Variants in PTPRD observed in about 807,000 individuals in gnomAD.
PTPRD encodes protein tyrosine phosphatase receptor type D.
A neutral mutation model predicts 214.5 loss-of-function variants in PTPRD; 34 were observed. That is an observed-to-expected ratio of 0.16 (90% CI 0.12 to 0.21). PTPRD has a LOEUF of 0.21. Among genes scored for constraint, PTPRD ranks in the 10% least tolerant of loss-of-function variants. The pLI is 1.00. For synonymous variants in PTPRD, 1,128 were observed against 845.7 expected, an observed-to-expected ratio of 1.33 and a Z score of -5.79; for missense variants, 2,545 against 2,398.7, an observed-to-expected ratio of 1.06 and a Z score of -1.27.
chr9:9,766,975 C>T (rs2098711661), intron 5 of PTPRD, 124 bp from the exon 6 acceptor site: 1 of 151,400 alleles, frequency 6.6e-6, no homozygotes, highest in Admixed American at 6.6e-5. Flanking sequence ...TATTGTGTAT[C>T]TTCCCATTAA....
At chr9:8,557,429 T>C (rs1409173387) in intron 14 of PTPRD, among the ~76,000 whole-genome samples, 1 of 117,320 alleles carries the variant, frequency 8.5e-6, no homozygotes, top group Non-Finnish European at 1.6e-5. Context: ...TTTTCATTTG[T>C]AAATACATAT....
chr9:8,946,774 A>G (rs2099067281), intron 11 of PTPRD, among the ~76,000 whole-genome samples: 1 of 152,102 alleles, frequency 6.6e-6, no homozygotes, highest in Non-Finnish European at 1.5e-5. Context: ...GGGTCTTCTC[A>G]TCCCTGTCTC....
At chr9:10,253,109 T>G (rs1432316726) in intron 3 of PTPRD, among the ~76,000 whole-genome samples, 1 of 152,176 alleles carries the variant, frequency 6.6e-6, no homozygotes, top group Non-Finnish European at 1.5e-5. Context: ...TTTTTCTAAA[T>G]GAATAGACCT....
intron 3 of PTPRD, among the ~76,000 whole-genome samples, chr9:10,100,450 A>G (rs559185061): frequency 3.3e-5 from 5 of 151,772 alleles, no homozygotes; most frequent in African/African-American, 1.2e-4. Flanking sequence ...AGAGAAGGCA[A>G]TTGCAAGAAT....
chr9:9,293,500 C>A (rs1176414290), intron 9 of PTPRD, among the ~76,000 whole-genome samples: 2 of 151,350 alleles, frequency 1.3e-5, no homozygotes, highest in East Asian at 3.9e-4. Context: ...CCCATTTCTA[C>A]AAGGAGATTA....
intron 10 of PTPRD, among the ~76,000 whole-genome samples, chr9:9,168,968 T>C (rs1427402259): frequency 3.3e-5 from 5 of 151,896 alleles, no homozygotes; most frequent in Admixed American, 1.3e-4. Flanking sequence ...AATTTGGATA[T>C]ATACTTTTTA....
At chr9:10,419,148 C>T (rs932341213) in intron 2 of PTPRD, among the ~76,000 whole-genome samples, 1 of 151,900 alleles carries the variant, frequency 6.6e-6, no homozygotes, top group Non-Finnish European at 1.5e-5. Context: ...AATAAAAAAA[C>T]CACTTGTGTA....
chr9:8,641,304 G>C (rs10114687), intron 12 of PTPRD, among the ~76,000 whole-genome samples: 56,086 of 147,168 alleles, frequency 0.38, 13,407 homozygotes, highest in African/African-American at 0.57. Flanking sequence ...TATAGTTAGT[G>C]TACAAAAAAA....
intron 7 of PTPRD, among the ~76,000 whole-genome samples, chr9:9,699,570 C>T (rs58646078): frequency 6.6e-6 from 1 of 152,166 alleles, no homozygotes; most frequent in African/African-American, 2.4e-5. Flanking sequence ...AGTTTTTACC[C>T]CCCCAATACA....
At chr9:9,500,005 G>GA (rs1368619869) in intron 8 of PTPRD, among the ~76,000 whole-genome samples, 24 of 152,188 alleles carry the variant, frequency 1.6e-4, no homozygotes, top group African/African-American at 5.8e-4. Context: ...GCTGCCCCTT[G>GA]AATATTAATT....
chr9:8,890,029 C>A (rs995232732), intron 11 of PTPRD, among the ~76,000 whole-genome samples: 3 of 152,160 alleles, frequency 2.0e-5, no homozygotes, highest in African/African-American at 4.8e-5. Flanking sequence ...ATTTAAGGAA[C>A]CTCCACACTG....
In PTPRD at chr9:10,322,017, T is replaced by A. The variant is rs2096561799; in HGVS notation, c.-545+18946A>T. Among the ~76,000 whole-genome samples, 3 of 152,058 alleles carry A rather than the reference T, an allele frequency of 2.0e-5. No individual in the cohort carries two copies. In the South Asian group the frequency reaches 6.2e-4, roughly 31 times the overall value. On this transcript the variant is annotated intron_variant, in intron 3 of 45. Coordinates refer to ENST00000381196, the MANE Select transcript of PTPRD (RefSeq NM_002839.4). Reference sequence around the variant, plus strand: ...AAATGGTAGTATGGTGAAGAGTATGTCCCAGGATTTCAAAATAAATTCAAA... The same window carrying A: ...AAATGGTAGTATGGTGAAGAGTATGACCCAGGATTTCAAAATAAATTCAAA...
intron 3 of PTPRD, among the ~76,000 whole-genome samples, chr9:10,209,667 C>T (rs1397966648): frequency 6.6e-6 from 1 of 151,860 alleles, no homozygotes; most frequent in South Asian, 2.1e-4. Flanking sequence ...CATTGGTACA[C>T]AGGGCCTTTG....
chr9:9,825,477 G>C (rs1176687041), intron 5 of PTPRD, among the ~76,000 whole-genome samples: 1 of 151,802 alleles, frequency 6.6e-6, no homozygotes, highest in African/African-American at 2.4e-5. Context: ...GAGACCGAGA[G>C]ACAGAGAGAA....
At chr9:9,267,385 G>A (rs1940428501) in intron 9 of PTPRD, among the ~76,000 whole-genome samples, 1 of 151,172 alleles carries the variant, frequency 6.6e-6, no homozygotes. Flanking sequence ...GTCTAATAAT[G>A]AGTAAGGAGA....
chr9:8,864,840 A>G (rs2098167599), intron 11 of PTPRD, among the ~76,000 whole-genome samples: 1 of 152,198 alleles, frequency 6.6e-6, no homozygotes, highest in Non-Finnish European at 1.5e-5. Context: ...TGAATATAGC[A>G]AGGCATCAAG....
At chr9:10,198,299 A>G (rs888864054) in intron 3 of PTPRD, among the ~76,000 whole-genome samples, 23 of 152,262 alleles carry the variant, frequency 1.5e-4, no homozygotes, top group Admixed American at 7.2e-4. Context: ...GATAATTTCT[A>G]GTGTAGCAAC....
chr9:9,835,922 G>A (rs966659541), intron 5 of PTPRD, among the ~76,000 whole-genome samples: 1 of 152,058 alleles, frequency 6.6e-6, no homozygotes, highest in African/African-American at 2.4e-5. Context: ...TTTACAATAA[G>A]TGATGAATGA....
chr9:9,613,127 C>CATTCAT (rs2094611675), intron 7 of PTPRD, among the ~76,000 whole-genome samples: 2 of 39,118 alleles, frequency 5.1e-5, no homozygotes, highest in Admixed American at 6.9e-4. Context: ...CTGCAGTATA[C>CATTCAT]ATACATACAT....
Sources: allele counts gnomAD v4.1 joint callset (sites outside exome capture counted in the v4.1 genomes callset), GRCh38; gene constraint gnomAD v4.1.1; transcripts MANE v1.5; gene names NCBI Gene and HGNC (gene_info 2026-07-23, HGNC 2026-07-21).